SHLD1: variants seen among roughly 807,000 people sequenced by gnomAD.
SHLD1 encodes the protein shieldin complex subunit 1.
SHLD1 carries 3 observed loss-of-function variants against 5.5 expected under a neutral mutation model. The ratio of observed to expected loss-of-function variants is 0.54; its 90% CI spans 0.25 to 1.40. The LOEUF (loss-of-function observed/expected upper bound fraction) is 1.40. Ranked by LOEUF, SHLD1 falls within the 40% of genes most tolerant of loss-of-function variation. The probability of loss-of-function intolerance (pLI) is 0.15; values close to 1 mark genes in which losing one functional copy is unlikely to be tolerated. For synonymous variants in SHLD1, 92 were observed against 94.3 expected (o/e 0.98, Z 0.14); for missense variants, 210 against 244.4 (o/e 0.86, Z 0.94).
intron 2 of SHLD1, among the ~76,000 whole-genome samples, chr20:5,799,761 T>A (rs1165873623): frequency 6.6e-6 from 1 of 152,178 alleles, no homozygotes; most frequent in Non-Finnish European, 1.5e-5. Flanking sequence ...GAAGTGTAAG[T>A]CTTTTTAAAA....
At chr20:5,800,177 T>C (rs1355783850) in intron 2 of SHLD1, among the ~76,000 whole-genome samples, 3 of 152,206 alleles carry the variant, frequency 2.0e-5, no homozygotes, top group Admixed American at 6.5e-5. Context: ...CAACAAAGAA[T>C]TGCAGCCCAA....
chr20:5,797,420 G>A (rs1033683171), intron 2 of SHLD1, among the ~76,000 whole-genome samples: 1 of 152,026 alleles, frequency 6.6e-6, no homozygotes, highest in Non-Finnish European at 1.5e-5. Flanking sequence ...AAATAAGCTG[G>A]GCATGGTGAC....
intron 2 of SHLD1, among the ~76,000 whole-genome samples, chr20:5,774,653 A>G (rs879810955): frequency 6.6e-6 from 1 of 152,112 alleles, no homozygotes; most frequent in Non-Finnish European, 1.5e-5. Context: ...GAGAGGGGGA[A>G]GGTGCTACAC....
chr20:5,818,595 A>G (rs939752325), intron 2 of SHLD1, among the ~76,000 whole-genome samples: 4 of 152,208 alleles, frequency 2.6e-5, no homozygotes, highest in Non-Finnish European at 5.9e-5. Context: ...GGTAGGTCAT[A>G]TGATCCAGGA....
intron 2 of SHLD1, among the ~76,000 whole-genome samples, chr20:5,775,922 G>GGTTTTTTTTTTTTT (rs1391999872): frequency 1.6e-5 from 1 of 63,448 alleles, no homozygotes; most frequent in African/African-American, 9.2e-5. Context: ...GTCAGCTCAG[G>GGTTTTTTTTTTTTT]ATTTTTTTTT....
intron 2 of SHLD1, among the ~76,000 whole-genome samples, chr20:5,830,566 T>TA (rs2087716713): frequency 6.6e-6 from 1 of 151,832 alleles, no homozygotes; most frequent in Non-Finnish European, 1.5e-5. Context: ...CACATGCCTG[T>TA]AATCTCAGCT....
chr20:5,834,867 T>C (rs567794860), intron 2 of SHLD1, among the ~76,000 whole-genome samples: 1 of 152,208 alleles, frequency 6.6e-6, no homozygotes, highest in Admixed American at 6.5e-5. Context: ...CTTCTAGTTG[T>C]GCCTTTACAT....
chr20:5,856,897 C>T (rs2088093269), intron 2 of SHLD1, among the ~76,000 whole-genome samples: 2 of 152,212 alleles, frequency 1.3e-5, no homozygotes, highest in Non-Finnish European at 2.9e-5. Context: ...TGCTACTCAC[C>T]TAAGTCTAAA....
intron 2 of SHLD1, among the ~76,000 whole-genome samples, chr20:5,820,738 A>G (rs973661656): frequency 7.2e-5 from 11 of 152,370 alleles, no homozygotes; most frequent in Non-Finnish European, 1.6e-4. Flanking sequence ...TCACAGGGAA[A>G]AGTTTTATTT....
At chr20:5,759,705 TTTTG>T (rs989220317) in intron 1 of SHLD1, among the ~76,000 whole-genome samples, 3 of 152,020 alleles carry the variant, frequency 2.0e-5, no homozygotes, top group Non-Finnish European at 2.9e-5. Flanking sequence ...TGCTAATTTT[TTTTG>T]TTTGTTTGTT....
At chr20:5,852,778 C>T (rs1164613017) in intron 2 of SHLD1, among the ~76,000 whole-genome samples, 3 of 152,138 alleles carry the variant, frequency 2.0e-5, no homozygotes, top group Non-Finnish European at 2.9e-5. Flanking sequence ...AGTGTGTAGA[C>T]TTCCTTACTT....
At chr20:5,774,328 G>C (rs920746875) in intron 2 of SHLD1, among the ~76,000 whole-genome samples, 2 of 152,208 alleles carry the variant, frequency 1.3e-5, no homozygotes, top group Non-Finnish European at 2.9e-5. Context: ...GATGACTACA[G>C]GTAGGATGTG....
At chr20:5,837,283 T>C (rs1399819054) in intron 2 of SHLD1, among the ~76,000 whole-genome samples, 4 of 152,194 alleles carry the variant, frequency 2.6e-5, no homozygotes, top group Non-Finnish European at 5.9e-5. Context: ...AATTTTTGAC[T>C]CTCCAAAACC....
In SHLD1 at chr20:5,863,081, T is replaced by C. The variant is rs145271595; in HGVS notation, c.236T>C (p.Leu79Pro). 1.2e-5 allele frequency: 19 copies of C among 1,614,074 alleles called. No individual in the cohort carries two copies. In the African/African-American group the frequency reaches 2.3e-4, roughly 19 times the overall value. ...TCCTGGACCGCTGAGAACTTCTGGC[T>C]TGACCCTGCTGTGAAAGGCCAGTCA... ...NNSWTAENFW[L>P]DPAVKGQSEK... Residue 79 changes from leucine (L) to proline (P), a missense_variant, in exon 3 of 3, where the codon CTT becomes CCT. By Grantham distance (98) the Leu-to-Pro change is moderately conservative (BLOSUM62 -3). Coordinates refer to ENST00000303142, the MANE Select transcript of SHLD1 (RefSeq NM_152504.4).
intron 2 of SHLD1, among the ~76,000 whole-genome samples, chr20:5,809,984 C>T (rs1231919435): frequency 1.3e-5 from 2 of 152,032 alleles, no homozygotes; most frequent in African/African-American, 2.4e-5. Flanking sequence ...TTCGGCCAGG[C>T]GCAGTGGCTC....
chr20:5,756,103 G>A (rs534491345), intron 1 of SHLD1, among the ~76,000 whole-genome samples: 19 of 151,894 alleles, frequency 1.3e-4, no homozygotes, highest in African/African-American at 2.9e-4. Context: ...CCTACACTTC[G>A]AAGAGAGAAA....
chr20:5,787,632 C>G (rs1276435630), intron 2 of SHLD1, among the ~76,000 whole-genome samples: 1 of 152,156 alleles, frequency 6.6e-6, no homozygotes, highest in Non-Finnish European at 1.5e-5. Flanking sequence ...ACGCCTAGAC[C>G]CTGGTGTGAG....
At chr20:5,822,086 T>G (rs2087612639) in intron 2 of SHLD1, among the ~76,000 whole-genome samples, 1 of 152,136 alleles carries the variant, frequency 6.6e-6, no homozygotes, top group Non-Finnish European at 1.5e-5. Flanking sequence ...TAACTAAAAG[T>G]TCTTTGTGTT....
chr20:5,776,925 G>A (rs1244378483), intron 2 of SHLD1, among the ~76,000 whole-genome samples: 1 of 151,980 alleles, frequency 6.6e-6, no homozygotes, highest in Non-Finnish European at 1.5e-5. Context: ...CATTTATTGA[G>A]CATTTACTAC....
Sources: allele counts gnomAD v4.1 joint callset (sites outside exome capture counted in the v4.1 genomes callset), GRCh38; gene constraint gnomAD v4.1.1; transcripts MANE v1.5; gene names NCBI Gene and HGNC (gene_info 2026-07-23, HGNC 2026-07-21).